Variants in PRTFDC1 observed in about 807,000 individuals in gnomAD.
PRTFDC1 encodes the protein phosphoribosyl transferase domain containing 1.
A neutral mutation model predicts 34.6 loss-of-function variants in PRTFDC1; 38 were observed. The observed-to-expected ratio is 1.10, with a 90% CI of 0.85 to 1.44. PRTFDC1 has a LOEUF of 1.44. Among genes scored for constraint, PRTFDC1 ranks in the 40% most tolerant of loss-of-function variants. PRTFDC1 has a pLI of 0.00. For synonymous variants in PRTFDC1, 93 were observed against 98.1 expected, an observed-to-expected ratio of 0.95 and a Z score of 0.31; for missense variants, 270 against 283.0, an observed-to-expected ratio of 0.95 and a Z score of 0.33.
At position 24,886,956 on chromosome 10, in the gene PRTFDC1, C is replaced by CTTTTTTTTTT. The variant is rs57910963; in HGVS notation, c.340-14903_340-14894dup. On this transcript the variant is annotated intron_variant, in intron 3 of 8. Transcript: ENST00000320152. ...TCTTTGTATCTTGTTAATACTCCTTCTTTTTTTTTTTTTTTTTTTTTTTTT... is the reference window on the plus strand; with the variant it reads ...TCTTTGTATCTTGTTAATACTCCTTCTTTTTTTTTTTTTTTTTTTTTTTTTTTTTTTTTTT... Among the ~76,000 whole-genome samples, 44 of 86,406 alleles carry CTTTTTTTTTT rather than the reference C, an allele frequency of 5.1e-4. 1 individual carries two copies. Among genetic ancestry groups the CTTTTTTTTTT allele is most frequent in the African/African-American group, 1.3e-3 (26 of 20,480 alleles). The allele number at this position is 86,406 out of a possible 152,430, so 56.7% of individuals were successfully genotyped here. A position where few individuals can be genotyped will look rare whatever the true frequency, so the allele number is the denominator to read the frequency against.
chr10:24,869,319 A>G (rs913669662), intron 4 of PRTFDC1, among the ~76,000 whole-genome samples: 4 of 151,936 alleles, frequency 2.6e-5, no homozygotes, highest in African/African-American at 9.7e-5. Flanking sequence ...GGCAGCAACT[A>G]TAATGTAAAT....
At chr10:24,882,487 T>C (rs1260423264) in intron 3 of PRTFDC1, among the ~76,000 whole-genome samples, 1 of 152,106 alleles carries the variant, frequency 6.6e-6, no homozygotes, top group Non-Finnish European at 1.5e-5. Flanking sequence ...AGACTGAAAC[T>C]TGTAAGCGCG....
chr10:24,898,463 C>CAAAAAAAAA (rs36004025), intron 3 of PRTFDC1, among the ~76,000 whole-genome samples: 6,161 of 97,320 alleles, frequency 0.063, 276 homozygotes, highest in East Asian at 0.2. Flanking sequence ...GACCCTGTCT[C>CAAAAAAAAA]AAAAAAAAAA....
chr10:24,932,213 A>C (rs1848983027), intron 3 of PRTFDC1, among the ~76,000 whole-genome samples: 1 of 151,932 alleles, frequency 6.6e-6, no homozygotes, highest in Non-Finnish European at 1.5e-5. Flanking sequence ...TCTTCAAAAA[A>C]CCAACAGTCA....
chr10:24,920,529 T>G (rs747191609), intron 3 of PRTFDC1, among the ~76,000 whole-genome samples: 1 of 151,834 alleles, frequency 6.6e-6, no homozygotes, highest in Non-Finnish European at 1.5e-5. Flanking sequence ...CTAGGTCCTG[T>G]TGGGGATGGA....
At chr10:24,948,194 G>A (rs1308197376) in intron 1 of PRTFDC1, among the ~76,000 whole-genome samples, 1 of 152,152 alleles carries the variant, frequency 6.6e-6, no homozygotes, top group East Asian at 1.9e-4. Flanking sequence ...AATCATTTCT[G>A]ATTTCTCTCT....
At chr10:24,941,806 G>A (rs747998592) in intron 2 of PRTFDC1, among the ~76,000 whole-genome samples, 1 of 152,150 alleles carries the variant, frequency 6.6e-6, no homozygotes, top group African/African-American at 2.4e-5. Context: ...GTTGTAAATA[G>A]GTAAACTGAG....
chr10:24,880,446 T>C (rs1848047868), intron 3 of PRTFDC1, among the ~76,000 whole-genome samples: 1 of 152,096 alleles, frequency 6.6e-6, no homozygotes, highest in Admixed American at 6.5e-5. Context: ...TTAGTAGAGA[T>C]GGGGTTTCAC....
intron 3 of PRTFDC1, among the ~76,000 whole-genome samples, chr10:24,923,845 A>AAT (rs553331198): frequency 2.4e-4 from 36 of 152,338 alleles, no homozygotes; most frequent in African/African-American, 8.7e-4. Flanking sequence ...CGGTAATAAC[A>AAT]AACTTCTCTG....
intron 3 of PRTFDC1, among the ~76,000 whole-genome samples, chr10:24,909,940 CG>C (rs1848601329): frequency 6.7e-6 from 1 of 150,246 alleles, no homozygotes; most frequent in South Asian, 2.1e-4. Flanking sequence ...CGCTTGAGGT[CG>C]GGAGTTTGAG....
intron 1 of PRTFDC1, chr10:24,951,441 C>T: frequency 1.8e-6 from 1 of 562,482 alleles, no homozygotes; most frequent in South Asian, 7.8e-5. Flanking sequence ...AAATCAACTC[C>T]TCATCCTTTC....
At chr10:24,850,318 G>C (rs183091484) in intron 8 of PRTFDC1, among the ~76,000 whole-genome samples, 2 of 152,132 alleles carry the variant, frequency 1.3e-5, no homozygotes, top group African/African-American at 4.8e-5. Flanking sequence ...CAGAAATGGG[G>C]CCAGGCTAAT....
At chr10:24,919,574 C>T (rs1299150584) in intron 3 of PRTFDC1, among the ~76,000 whole-genome samples, 1 of 152,128 alleles carries the variant, frequency 6.6e-6, no homozygotes, top group Admixed American at 6.5e-5. Flanking sequence ...TAGGCATGGG[C>T]CAAGATTTCA....
At chr10:24,905,275 T>C (rs1848515431) in intron 3 of PRTFDC1, among the ~76,000 whole-genome samples, 1 of 150,866 alleles carries the variant, frequency 6.6e-6, no homozygotes, top group African/African-American at 2.4e-5. Flanking sequence ...ACCATGCCAC[T>C]GCCCTTTAGC....
At chr10:24,893,543 C>T (rs902198321) in intron 3 of PRTFDC1, among the ~76,000 whole-genome samples, 2 of 152,160 alleles carry the variant, frequency 1.3e-5, no homozygotes, top group Non-Finnish European at 2.9e-5. Flanking sequence ...CTCCTGGCCT[C>T]AAGTGATCCT....
At chr10:24,877,784 C>T (rs1441743839) in intron 3 of PRTFDC1, among the ~76,000 whole-genome samples, 2 of 152,190 alleles carry the variant, frequency 1.3e-5, no homozygotes, top group Admixed American at 6.5e-5. Flanking sequence ...CCATGACGGG[C>T]TAATTTTTGT....
chr10:24,916,396 A>G lies in PRTFDC1; in HGVS notation c.339+20788T>C, dbSNP rs140734932. ...TGACATTCTGCTCAAAACCCAGTGA[A>G]ATCTTCCTACTTACTCAGAGAAAAA... On this transcript the variant is annotated intron_variant, in intron 3 of 8. Coordinates refer to ENST00000320152, the MANE Select transcript of PRTFDC1 (RefSeq NM_020200.7). Among the ~76,000 whole-genome samples, 4 of 152,280 alleles carry G rather than the reference A, an allele frequency of 2.6e-5. No homozygotes were observed. In the East Asian group the frequency reaches 7.7e-4, roughly 29 times the overall value.
At chr10:24,891,096 C>G (rs1848253255) in intron 3 of PRTFDC1, among the ~76,000 whole-genome samples, 1 of 152,052 alleles carries the variant, frequency 6.6e-6, no homozygotes, top group Non-Finnish European at 1.5e-5. Flanking sequence ...ATAAAAGGAC[C>G]CAATTTTGTA....
intron 3 of PRTFDC1, among the ~76,000 whole-genome samples, chr10:24,919,218 T>G (rs924324613): frequency 1.3e-5 from 2 of 152,156 alleles, no homozygotes; most frequent in Non-Finnish European, 2.9e-5. Flanking sequence ...GAAATAAGTC[T>G]TTCTCTTAAA....
Sources: allele counts gnomAD v4.1 joint callset (sites outside exome capture counted in the v4.1 genomes callset), GRCh38; gene constraint gnomAD v4.1.1; transcripts MANE v1.5; gene names NCBI Gene and HGNC (gene_info 2026-07-23, HGNC 2026-07-21).